Variants in MGAT4C observed in about 807,000 individuals in gnomAD.
The protein encoded by MGAT4C is MGAT4 family member C, also known as alpha-1,3-mannosyl-glycoprotein 4-beta-N-acetylglucosaminyltransferase C.
MGAT4C carries 19 observed loss-of-function variants against 40.1 expected under a neutral mutation model. The ratio of observed to expected loss-of-function variants is 0.47; its 90% CI spans 0.33 to 0.70. MGAT4C has a LOEUF of 0.70. Ranked by LOEUF, MGAT4C falls within the 30% of genes least tolerant of loss-of-function variation. The pLI is 0.02. For synonymous variants in MGAT4C, 181 were observed against 187.1 expected (o/e 0.97, Z 0.27); for missense variants, 491 against 563.2 (o/e 0.87, Z 1.30).
At chr12:86,568,847 A>T (rs2136419093) in intron 2 of MGAT4C, among the ~76,000 whole-genome samples, 1 of 152,190 alleles carries the variant, frequency 6.6e-6, no homozygotes, top group Admixed American at 6.6e-5. Context: ...CTTTTCAATA[A>T]ACTGTGCTGG....
chr12:86,406,049 T>TTA (rs1236806076), intron 3 of MGAT4C, among the ~76,000 whole-genome samples: 168 of 144,984 alleles, frequency 1.2e-3, no homozygotes, highest in African/African-American at 4.1e-3. Flanking sequence ...TATATAATTA[T>TTA]TATATATATA....
chr12:86,741,267 T>C (rs1022154046), intron 1 of MGAT4C, among the ~76,000 whole-genome samples: 4 of 151,394 alleles, frequency 2.6e-5, no homozygotes, highest in Admixed American at 6.6e-5. Flanking sequence ...ATAAAAACAA[T>C]TTAAAATAAA....
chr12:86,587,051 GC>G (rs1346258601), intron 2 of MGAT4C, among the ~76,000 whole-genome samples: 1 of 152,016 alleles, frequency 6.6e-6, no homozygotes, highest in Non-Finnish European at 1.5e-5. Flanking sequence ...GAATGGTATT[GC>G]CTAGGTTTTC....
chr12:86,454,578 C>T (rs568685076), intron 2 of MGAT4C, among the ~76,000 whole-genome samples: 85 of 152,174 alleles, frequency 5.6e-4, no homozygotes, highest in Non-Finnish European at 1.1e-3. Flanking sequence ...GATAGACAGA[C>T]AGACACATTG....
intron 2 of MGAT4C, among the ~76,000 whole-genome samples, chr12:86,626,053 T>C (rs1323896977): frequency 6.6e-6 from 1 of 152,024 alleles, no homozygotes; most frequent in African/African-American, 2.4e-5. Flanking sequence ...AGGATGCAAA[T>C]GTGAATTAAA....
In MGAT4C at chr12:86,430,241, C is replaced by G. The variant is rs1350872659; in HGVS notation, c.-120+4916G>C. 3.3e-5 allele frequency among the ~76,000 whole-genome samples: 5 copies of G among 152,062 alleles called. 1 individual carries two copies. The East Asian group carries it at 9.6e-4, about 29-fold the overall frequency. ...TTTTAGTATTATTTTGATTTATCTG[C>G]TACAGATTTCTAGATCTCCATTTCT... On this transcript the variant is annotated intron_variant, in intron 3 of 7. Transcript: ENST00000548651.
intron 1 of MGAT4C, among the ~76,000 whole-genome samples, chr12:86,782,828 T>C (rs1004474672): frequency 1.3e-5 from 2 of 152,194 alleles, no homozygotes; most frequent in African/African-American, 4.8e-5. Flanking sequence ...TATCTGCGTA[T>C]GTACAAGCCA....
At chr12:86,310,851 G>A (rs749051214) in intron 4 of MGAT4C, among the ~76,000 whole-genome samples, 15 of 152,156 alleles carry the variant, frequency 9.9e-5, no homozygotes, top group Non-Finnish European at 2.1e-4. Flanking sequence ...TTGAACCAGG[G>A]AGGTGGAGGT....
At chr12:86,066,167 T>C (rs1894522784) in intron 1 of MGAT4C, among the ~76,000 whole-genome samples, 1 of 152,152 alleles carries the variant, frequency 6.6e-6, no homozygotes, top group Admixed American at 6.6e-5. Flanking sequence ...GCTATCCCCA[T>C]CAAGGTACCA....
chr12:86,819,941 TAAAC>T (rs1376023949), intron 1 of MGAT4C, among the ~76,000 whole-genome samples: 1 of 150,656 alleles, frequency 6.6e-6, no homozygotes, highest in Non-Finnish European at 1.5e-5. Flanking sequence ...CTTCAAAAAG[TAAAC>T]AAACAAAAAA....
intron 2 of MGAT4C, among the ~76,000 whole-genome samples, chr12:86,691,112 C>T (rs1216343629): frequency 2.6e-5 from 4 of 152,166 alleles, no homozygotes; most frequent in African/African-American, 7.2e-5. Context: ...CTCCTATGAT[C>T]TGTCTATATT....
At chr12:86,538,924 A>G (rs1959123950) in intron 2 of MGAT4C, among the ~76,000 whole-genome samples, 1 of 152,176 alleles carries the variant, frequency 6.6e-6, no homozygotes, top group African/African-American at 2.4e-5. Flanking sequence ...GAATACATTT[A>G]TATAAGGAAA....
intron 4 of MGAT4C, among the ~76,000 whole-genome samples, chr12:86,268,672 T>TAC (rs1952852137): frequency 6.8e-6 from 1 of 146,916 alleles, no homozygotes; most frequent in South Asian, 2.1e-4. Context: ...TACATATATA[T>TAC]ATATATACAT....
chr12:86,767,321 G>C (rs930873821), intron 1 of MGAT4C, among the ~76,000 whole-genome samples: 11 of 152,256 alleles, frequency 7.2e-5, no homozygotes, highest in African/African-American at 2.6e-4. Flanking sequence ...CCAGGAAGAA[G>C]TTGAATCTCT....
chr12:86,701,621 T>G (rs1224985798), intron 2 of MGAT4C, among the ~76,000 whole-genome samples: 1 of 152,164 alleles, frequency 6.6e-6, no homozygotes, highest in Admixed American at 6.6e-5. Context: ...AACCCTATAA[T>G]GATCTCTAAG....
At chr12:86,373,657 T>G (rs968953262) in intron 3 of MGAT4C, among the ~76,000 whole-genome samples, 1 of 151,838 alleles carries the variant, frequency 6.6e-6, no homozygotes, top group African/African-American at 2.4e-5. Flanking sequence ...AAAATAGTTT[T>G]TTTTTTTTTT....
intron 1 of MGAT4C, among the ~76,000 whole-genome samples, chr12:86,201,213 A>T (rs1950036589): frequency 6.6e-6 from 1 of 152,114 alleles, no homozygotes; most frequent in Non-Finnish European, 1.5e-5. Context: ...AGCACTCTGC[A>T]TGTATGCATG....
intron 2 of MGAT4C, among the ~76,000 whole-genome samples, chr12:86,619,904 T>G (rs932159808): frequency 6.6e-6 from 1 of 152,196 alleles, no homozygotes; most frequent in Admixed American, 6.5e-5. Flanking sequence ...AATCCTCTGA[T>G]AGTTACTTTA....
intron 3 of MGAT4C, among the ~76,000 whole-genome samples, chr12:86,414,603 TA>T (rs11333674): frequency 0.77 from 117,193 of 151,956 alleles, 45,680 homozygotes; most frequent in East Asian, 1. Context: ...GTTACTTTTT[TA>T]GAGCCAAAAT....
Sources: gnomAD v4.1 joint callset for allele counts (sites outside exome capture counted in the v4.1 genomes callset) on GRCh38, gnomAD v4.1.1 for gene constraint, MANE v1.5 for transcripts, NCBI Gene and HGNC (gene_info 2026-07-23, HGNC 2026-07-21) for gene names.